The following TOP1 variants were observed in gnomAD, a reference collection of about 807,000 sequenced individuals.
TOP1 encodes the protein DNA topoisomerase 1.
A neutral mutation model predicts 111.1 loss-of-function variants in TOP1; 10 were observed. That is an observed-to-expected ratio of 0.09 (90% confidence interval 0.06 to 0.15). TOP1 has a LOEUF of 0.15. TOP1 is among the 10% of genes least tolerant of loss of function. The pLI is 1.00. For synonymous variants in TOP1, 271 were observed against 302.9 expected (o/e 0.89, Z 1.10); for missense variants, 474 against 926.7 (o/e 0.51, Z 6.34).
At chr20:41,076,051 C>T (rs952320418) in intron 3 of TOP1, 120 bp from the exon 4 acceptor site, 63 of 983,512 alleles carry the variant, frequency 6.4e-5, no homozygotes, top group Admixed American at 1.2e-4. Context: ...AACCTTCTGT[C>T]GGTACTGTTT....
intron 8 of TOP1, among the ~76,000 whole-genome samples, chr20:41,088,294 C>G (rs543494670): frequency 1.3e-5 from 2 of 152,072 alleles, no homozygotes; most frequent in Admixed American, 6.6e-5. Flanking sequence ...GTCAGTAGAT[C>G]GAGACCATCC....
rs193284862 is a variant in TOP1 at position 41,121,035 on chromosome 20, C to T, written c.1951-661C>T. Among the ~76,000 whole-genome samples, 1 of 152,316 alleles carries T rather than the reference C, an allele frequency of 6.6e-6. No homozygotes were observed. Among genetic ancestry groups the T allele is most frequent in the African/African-American group, 2.4e-5 (1 of 41,560 alleles). On this transcript the variant is annotated intron_variant, in intron 18 of 20. Coordinates refer to ENST00000361337, the MANE Select transcript of TOP1 (RefSeq NM_003286.4). The surrounding 1 kb of genome is among the most constrained non-coding windows in gnomAD (Gnocchi z 4.2). The stretch of plus-strand genomic sequence containing the variant: ...GGGATTACAGGCGTGAGACACCGCG[C>T]CTGGTGACCGCTCTCCTTTTAAAAA...
chr20:41,080,257 A>G lies in TOP1; in HGVS notation c.431+77A>G, dbSNP rs377126081. Reference sequence around the variant, plus strand: ...AAGAATAAATGTGATGTGTTTCTTTATAATACATATAGAAACTGCATTAAT... The same window carrying G: ...AAGAATAAATGTGATGTGTTTCTTTGTAATACATATAGAAACTGCATTAAT... On this transcript the variant is annotated intron_variant, in intron 6 of 20. Coordinates refer to ENST00000361337, the MANE Select transcript of TOP1 (RefSeq NM_003286.4). The surrounding 1 kb of genome is among the most constrained non-coding windows in gnomAD (Gnocchi z 5.0). 8.4e-6 allele frequency: 7 copies of G among 834,210 alleles called. No homozygotes were observed. The highest frequency in any genetic ancestry group is 6.6e-5 in the South Asian group (4 of 60,276). 51.7% of individuals were successfully genotyped at this position (834,210 alleles called of 1,614,324 possible).
intron 3 of TOP1, chr20:41,073,302 C>T: frequency 1.0e-6 from 1 of 980,974 alleles, no homozygotes; most frequent in Non-Finnish European, 1.2e-6. Flanking sequence ...GAAGGTGGAA[C>T]TTAAAGGAAG....
At chr20:41,035,574 A>C (rs1436304671) in intron 2 of TOP1, among the ~76,000 whole-genome samples, 1 of 152,154 alleles carries the variant, frequency 6.6e-6, no homozygotes, top group East Asian at 1.9e-4. Flanking sequence ...GGGTATTCTG[A>C]CGTTTTCCTA....
In TOP1 at chr20:41,098,193, C is replaced by T. The variant is rs200953369; in HGVS notation, c.853-22C>T. On this transcript the variant is annotated intron_variant, in intron 10 of 20. Coordinates refer to ENST00000361337, the MANE Select transcript of TOP1 (RefSeq NM_003286.4). This position sits in a 1 kb window ranked among gnomAD's most constrained non-coding sequence, Gnocchi z 5.7. ...TGTATTTTCGTTGTTTTTCTTTCAT[C>T]TCCCCATTTTCTTTTGACTAGGAAA... The T allele has an allele frequency of 1.6e-4, 252 of 1,612,632 alleles. No homozygotes were observed. Among genetic ancestry groups the T allele is most frequent in the Non-Finnish European group, 2.1e-4 (245 of 1,178,962 alleles).
chr20:41,123,078 A>T lies in TOP1; in HGVS notation c.2196-117A>T. On this transcript the variant is annotated intron_variant, in intron 20 of 20. Coordinates refer to ENST00000361337, the MANE Select transcript of TOP1 (RefSeq NM_003286.4). This position sits in a 1 kb window ranked among gnomAD's most constrained non-coding sequence, Gnocchi z 5.8. ...TTAGAACATGCTTGGTGCACTATTAATTTGCATCCTCACTAGACAGATGTG... is the reference window on the plus strand; with the variant it reads ...TTAGAACATGCTTGGTGCACTATTATTTTGCATCCTCACTAGACAGATGTG... 2 of 671,652 alleles carry T rather than the reference A, an allele frequency of 3.0e-6. No individual in the cohort carries two copies. The highest frequency in any genetic ancestry group is 5.3e-6 in the Non-Finnish European group (2 of 377,420). The allele number at this position is 671,652 out of a possible 1,614,324, so 41.6% of individuals were successfully genotyped here. A position where few individuals can be genotyped will look rare whatever the true frequency, so the allele number is the denominator to read the frequency against.
In TOP1 at chr20:41,114,155, A is replaced by C; in HGVS notation, c.1638A>C (p.Arg546=). 6.2e-7 allele frequency: 1 copy of C among 1,612,062 alleles called. No homozygotes were observed. Among genetic ancestry groups the C allele is most frequent in the South Asian group, 1.1e-5 (1 of 90,860 alleles). The stretch of plus-strand genomic sequence containing the variant: ...ATAACAAGGTCCCTGTTGAGAAACG[A>C]GTAAGTTAATGTACCTGTACTGTCT... The part of the protein sequence containing the change: ...RYYNKVPVEK[R]VFKNLQLFME... Residue 546 remains arginine (R), a splice_region_variant and synonymous_variant, in exon 15 of 21, where the codon CGA becomes CGC. Transcript: ENST00000361337. The surrounding 1 kb of genome is among the most constrained non-coding windows in gnomAD (Gnocchi z 4.5).
intron 2 of TOP1, among the ~76,000 whole-genome samples, chr20:41,056,524 T>C (rs1304374072): frequency 6.6e-6 from 1 of 152,238 alleles, no homozygotes; most frequent in African/African-American, 2.4e-5. Flanking sequence ...TCTTGCTCTG[T>C]AGCCCAAGTG....
chr20:41,081,104 T>C, intron 6 of TOP1, 61 bp from the exon 7 acceptor site: 1 of 1,517,550 alleles, frequency 6.6e-7, no homozygotes, highest in Admixed American at 2.1e-5. Context: ...GTAGGTCTCC[T>C]ATGAGTGAGA....
At chr20:41,041,041 A>G (rs1271754804) in intron 2 of TOP1, among the ~76,000 whole-genome samples, 1 of 152,092 alleles carries the variant, frequency 6.6e-6, no homozygotes, top group Non-Finnish European at 1.5e-5. Flanking sequence ...CAGATACTCC[A>G]TTTCCTTTCT....
At chr20:41,113,715 CAA>C (rs987087793) in intron 14 of TOP1, among the ~76,000 whole-genome samples, 9 of 103,626 alleles carry the variant, frequency 8.7e-5, no homozygotes, top group Admixed American at 2.1e-4. Context: ...ACTAAAAATA[CAA>C]AAAAAAAAAA....
chr20:41,118,416 A>G lies in TOP1; in HGVS notation c.1950+120A>G. ...GGGTCTGTTGTAGAAGGTCTATGCTAAAGATAAACAAATGGAAATATGATA... is the reference window on the plus strand; with the variant it reads ...GGGTCTGTTGTAGAAGGTCTATGCTGAAGATAAACAAATGGAAATATGATA... On this transcript the variant is annotated intron_variant, in intron 18 of 20. Transcript: ENST00000361337. This position sits in a 1 kb window ranked among gnomAD's most constrained non-coding sequence, Gnocchi z 4.6. 1.8e-6 allele frequency: 2 copies of G among 1,109,498 alleles called. No individual in the cohort carries two copies. The highest frequency in any genetic ancestry group is 2.6e-6 in the Non-Finnish European group (2 of 773,606). The allele number at this position is 1,109,498 out of a possible 1,614,324, so 68.7% of individuals were successfully genotyped here. A position where few individuals can be genotyped will look rare whatever the true frequency, so the allele number is the denominator to read the frequency against.
intron 2 of TOP1, among the ~76,000 whole-genome samples, chr20:41,048,887 T>C (rs1039629874): frequency 6.6e-6 from 1 of 150,468 alleles, no homozygotes; most frequent in Non-Finnish European, 1.5e-5. Flanking sequence ...ATGGAAGGAG[T>C]GGGATGGGAA....
At chr20:41,070,394 GA>G (rs1466593124) in intron 3 of TOP1, among the ~76,000 whole-genome samples, 3 of 152,100 alleles carry the variant, frequency 2.0e-5, no homozygotes, top group Non-Finnish European at 4.4e-5. Context: ...TAAAACGCCG[GA>G]GTCCTTGTGA....
intron 13 of TOP1, among the ~76,000 whole-genome samples, chr20:41,105,267 A>C (rs1251522764): frequency 6.6e-6 from 1 of 152,238 alleles, no homozygotes; most frequent in Non-Finnish European, 1.5e-5. Context: ...TTTAGTTTAC[A>C]ATATGTTGTA....
At position 41,044,269 on chromosome 20, in the gene TOP1, C is replaced by T. The variant is rs556450119; in HGVS notation, c.58+14814C>T. ...CCAGCAGGGCAACAAGAGCAAAACT[C>T]CTTCTCAAAAAAAAGAAAAAAAGAA... On this transcript the variant is annotated intron_variant, in intron 2 of 20. Coordinates refer to ENST00000361337, the MANE Select transcript of TOP1 (RefSeq NM_003286.4). Among the ~76,000 whole-genome samples the T allele has an allele frequency of 3.9e-4, 60 of 152,122 alleles. No homozygotes were observed. In the South Asian group the frequency reaches 7.5e-3, roughly 19 times the overall value.
intron 8 of TOP1, among the ~76,000 whole-genome samples, chr20:41,087,959 G>A (rs1330060145): frequency 2.0e-5 from 3 of 152,072 alleles, no homozygotes; most frequent in Admixed American, 6.5e-5. Flanking sequence ...TGCGGGGGGC[G>A]GATATATGCA....
Position 41,121,747 on chromosome 20 carries a change from G to A in TOP1, c.2002G>A (p.Ala668Thr), listed in dbSNP as rs1471511396. The A allele has an allele frequency of 1.2e-6, 2 of 1,614,214 alleles. No homozygotes were observed. Among genetic ancestry groups the A allele is most frequent in the Non-Finnish European group, 8.5e-7 (1 of 1,180,032 alleles). Reference protein sequence around the residue: ...LADARRDLKSAKADAKVMKDA... With the variant: ...LADARRDLKSTKADAKVMKDA... ...AGATGCCCGGAGAGACCTGAAAAGT[G>A]CTAAGGCTGATGCCAAGGTCATGAA... The change falls in exon 19 of 21, where the codon GCT becomes ACT. Residue 668 changes from alanine to threonine, a missense_variant. By Grantham distance (58) the Ala-to-Thr change is moderately conservative (BLOSUM62 0). Coordinates refer to ENST00000361337, the MANE Select transcript of TOP1 (RefSeq NM_003286.4). This position sits in a 1 kb window ranked among gnomAD's most constrained non-coding sequence, Gnocchi z 4.2.
Sources: allele counts gnomAD v4.1 joint callset (sites outside exome capture counted in the v4.1 genomes callset), GRCh38; gene constraint gnomAD v4.1.1; non-coding constraint Gnocchi (gnomAD v3.1); transcripts MANE v1.5; gene names NCBI Gene and HGNC (gene_info 2026-07-23, HGNC 2026-07-21).